Variants in XKR4 observed in about 807,000 individuals in gnomAD.
XKR4 encodes XK related 4, also known as XK-related protein 4.
In XKR4, 12 loss-of-function variants were observed where a neutral mutation model predicts 53.9. The ratio of observed to expected loss-of-function variants is 0.22; its 90% CI spans 0.14 to 0.36. XKR4 has a LOEUF of 0.36. Among genes scored for constraint, XKR4 ranks in the 10% least tolerant of loss-of-function variants. The pLI, the probability that XKR4 is intolerant of heterozygous loss-of-function variation, is 1.00. For synonymous variants in XKR4, 354 were observed against 362.4 expected (o/e 0.98, Z 0.26); for missense variants, 799 against 859.5 (o/e 0.93, Z 0.88).
Position 55,102,980 on chromosome 8 carries a change from C to A in XKR4, c.492C>A (p.Phe164Leu). 1 of 1,611,950 alleles carries A rather than the reference C, an allele frequency of 6.2e-7. No individual in the cohort carries two copies. The highest frequency in any genetic ancestry group is 8.5e-7 in the Non-Finnish European group (1 of 1,179,898). The part of the protein sequence containing the change: ...LGSLSVQVFS[F>L]RWFVHDFSTE... The stretch of plus-strand genomic sequence containing the variant: ...CTCTGTCGGTGCAAGTGTTCAGCTT[C>A]CGCTGGTTTGTGCACGATTTCAGCA... The change falls in exon 1 of 3, where the codon TTC becomes TTA. Residue 164 changes from phenylalanine to leucine, a missense_variant. This residue lies in a region of XKR4 where 476 missense variants were observed against 505.4 expected (regional missense o/e 0.94). Coordinates refer to ENST00000327381, the MANE Select transcript of XKR4 (RefSeq NM_052898.2). The surrounding 1 kb of genome is among the most constrained non-coding windows in gnomAD (Gnocchi z 5.1).
chr8:55,460,780 C>T (rs1805643970), intron 2 of XKR4, among the ~76,000 whole-genome samples: 1 of 152,182 alleles, frequency 6.6e-6, no homozygotes, highest in African/African-American at 2.4e-5. Context: ...TCACTCCCAC[C>T]CTAATACTGT....
intron 1 of XKR4, among the ~76,000 whole-genome samples, chr8:55,351,199 A>G (rs965319388): frequency 5.2e-4 from 79 of 152,168 alleles, no homozygotes; most frequent in African/African-American, 1.8e-3. Context: ...TAAAACAAAA[A>G]AACTCCCCAT....
chr8:55,304,007 C>T (rs1819249930), intron 1 of XKR4, among the ~76,000 whole-genome samples: 2 of 152,084 alleles, frequency 1.3e-5, no homozygotes, highest in African/African-American at 4.8e-5. Context: ...TTCAGTTCTT[C>T]TCTGATCTTA....
At chr8:55,103,396 C>T (rs990235980) in intron 1 of XKR4, 102 bp downstream of exon 1, 6 of 1,484,094 alleles carry the variant, frequency 4.0e-6, no homozygotes, top group Middle Eastern at 1.8e-4. Flanking sequence ...TGGTAGTAAC[C>T]CTAGTCACAC....
At chr8:55,201,445 G>C (rs1225121413) in intron 1 of XKR4, among the ~76,000 whole-genome samples, 1 of 152,212 alleles carries the variant, frequency 6.6e-6, no homozygotes, top group Non-Finnish European at 1.5e-5. Flanking sequence ...GTCCTCTCTA[G>C]ACTGGAGAGT....
rs1806974290 is a variant in XKR4 at position 55,532,850 on chromosome 8, T to C, written c.*8623T>C. ...TTCAGAAAATATAAAGTTTTATGTTTTTATTATATTTCCATCTACCAAATT... is the reference window on the plus strand; with the variant it reads ...TTCAGAAAATATAAAGTTTTATGTTCTTATTATATTTCCATCTACCAAATT... On this transcript the variant is annotated 3_prime_UTR_variant, in exon 3 of 3. Coordinates refer to ENST00000327381, the MANE Select transcript of XKR4 (RefSeq NM_052898.2). The C allele has an allele frequency of 6.6e-6, 1 of 151,958 alleles. No individual in the cohort carries two copies. Among genetic ancestry groups the C allele is most frequent in the Admixed American group, 6.6e-5 (1 of 15,238 alleles). The allele number at this position is 151,958 out of a possible 1,614,324, so 9.4% of individuals were successfully genotyped here. A position where few individuals can be genotyped will look rare whatever the true frequency, so the allele number is the denominator to read the frequency against.
At chr8:55,169,261 G>A (rs542507070) in intron 1 of XKR4, among the ~76,000 whole-genome samples, 18 of 152,322 alleles carry the variant, frequency 1.2e-4, no homozygotes, top group South Asian at 4.1e-4. Context: ...TGGGTGGCTC[G>A]TAGTTCTTTA....
intron 1 of XKR4, among the ~76,000 whole-genome samples, chr8:55,176,817 A>T (rs1758050829): frequency 6.6e-6 from 1 of 152,054 alleles, no homozygotes; most frequent in East Asian, 1.9e-4. Flanking sequence ...TGTGCCCAGG[A>T]TGATGGTGAT....
rs1035707055 is a variant in XKR4, at chr8:55,451,732, A to G, written c.1007-71549A>G. 65 of 1,233,562 alleles carry G rather than the reference A, an allele frequency of 5.3e-5. 1 individual carries two copies. In the Admixed American group the frequency reaches 5.9e-4, roughly 11 times the overall value. 76.4% of individuals were successfully genotyped at this position (1,233,562 alleles called of 1,614,324 possible). On this transcript the variant is annotated intron_variant, in intron 2 of 2. Transcript: ENST00000327381. Reference sequence around the variant, plus strand: ...CATGCGGTTGACCAGAGAAATGCGGAAGGATTCAGACTTGGCCCGGCTCAG... The same window carrying G: ...CATGCGGTTGACCAGAGAAATGCGGGAGGATTCAGACTTGGCCCGGCTCAG...
At chr8:55,385,127 T>C (rs1055027480) in intron 2 of XKR4, among the ~76,000 whole-genome samples, 5 of 152,172 alleles carry the variant, frequency 3.3e-5, no homozygotes, top group African/African-American at 1.2e-4. Flanking sequence ...CTAAAATTTG[T>C]GATTATAAAG....
chr8:55,320,398 G>A (rs952120575), intron 1 of XKR4, among the ~76,000 whole-genome samples: 1 of 152,182 alleles, frequency 6.6e-6, no homozygotes, highest in Non-Finnish European at 1.5e-5. Flanking sequence ...TAAGTTCAAT[G>A]TAAATTAACT....
At position 55,102,347 on chromosome 8, in the gene XKR4, G is replaced by T; in HGVS notation, c.-142G>T. ...GGGCGGCGGGCGGCGGCGGACGGCA[G>T]GCGAGCCGACGCAGGAGCAGGAGGA... On this transcript the variant is annotated 5_prime_UTR_variant, in exon 1 of 3. In the 5' UTR this introduces an upstream ATG that the reference lacks. Transcript: ENST00000327381. The surrounding 1 kb of genome is among the most constrained non-coding windows in gnomAD (Gnocchi z 5.1). 1 of 1,103,294 alleles carries T rather than the reference G, an allele frequency of 9.1e-7. No individual in the cohort carries two copies. The highest frequency in any genetic ancestry group is 1.1e-6 in the Non-Finnish European group (1 of 892,782). 68.3% of individuals were successfully genotyped at this position (1,103,294 alleles called of 1,614,324 possible).
At chr8:55,403,500 C>G (rs1035759338) in intron 2 of XKR4, among the ~76,000 whole-genome samples, 5 of 152,226 alleles carry the variant, frequency 3.3e-5, no homozygotes, top group African/African-American at 1.2e-4. Context: ...AGAAAAATAT[C>G]ACCCGAATGC....
At chr8:55,406,710 A>C (rs1167607777) in intron 2 of XKR4, among the ~76,000 whole-genome samples, 1 of 152,254 alleles carries the variant, frequency 6.6e-6, no homozygotes, top group African/African-American at 2.4e-5. Context: ...ATTAGGAACA[A>C]TAACACATGC....
Position 55,529,679 on chromosome 8 carries a change from G to A in XKR4, c.*5452G>A, listed in dbSNP as rs1182180742. 3.3e-5 allele frequency: 5 copies of A among 152,192 alleles called. No individual in the cohort carries two copies. The highest frequency in any genetic ancestry group is 1.2e-4 in the African/African-American group (5 of 41,446). The allele number at this position is 152,192 out of a possible 1,614,324, so 9.4% of individuals were successfully genotyped here. A position where few individuals can be genotyped will look rare whatever the true frequency, so the allele number is the denominator to read the frequency against. ...GTTGAGCACAGCTTTCAACAACTGC[G>A]ACTTCTGGGAGCCCAGTGACTCTTC... On this transcript the variant is annotated 3_prime_UTR_variant, in exon 3 of 3. Transcript: ENST00000327381.
chr8:55,311,829 C>CAAAAAAAAAAAAAAA lies in XKR4; in HGVS notation c.807-45841_807-45827dup, dbSNP rs57826022. On this transcript the variant is annotated intron_variant, in intron 1 of 2. Transcript: ENST00000327381. ...AACTGAAACTGTCTCTGTAATTTAG[C>CAAAAAAAAAAAAAAA]AAAAAAAAAAAAAAAAAAAAAAGAA... 1.0e-4 allele frequency among the ~76,000 whole-genome samples: 10 copies of CAAAAAAAAAAAAAAA among 98,568 alleles called. 1 individual carries two copies. The highest frequency in any genetic ancestry group is 1.9e-4 in the African/African-American group (5 of 25,934). The allele number at this position is 98,568 out of a possible 152,430, so 64.7% of individuals were successfully genotyped here.
intron 2 of XKR4, among the ~76,000 whole-genome samples, chr8:55,522,482 C>G (rs915870569): frequency 6.6e-6 from 1 of 152,164 alleles, no homozygotes. Context: ...GTACACACAC[C>G]TTTTATTTTT....
chr8:55,454,512 C>G (rs1235522519), intron 2 of XKR4: 1 of 1,297,734 alleles, frequency 7.7e-7, no homozygotes, highest in Non-Finnish European at 1.1e-6. Context: ...TTGGTGATGC[C>G]CAGCTGGCGG....
At chr8:55,265,637 TGAGCCTAG>T (rs999403049) in intron 1 of XKR4, among the ~76,000 whole-genome samples, 2 of 152,024 alleles carry the variant, frequency 1.3e-5, no homozygotes, top group Non-Finnish European at 2.9e-5. Context: ...GAGGATTGCT[TGAGCCTAG>T]GAGCCTAGGA....
Sources: allele counts gnomAD v4.1 joint callset (sites outside exome capture counted in the v4.1 genomes callset), GRCh38; gene constraint gnomAD v4.1.1; regional missense constraint gnomAD v4.1.1; non-coding constraint Gnocchi (gnomAD v3.1); transcripts MANE v1.5; gene names NCBI Gene and HGNC (gene_info 2026-07-23, HGNC 2026-07-21).